Variants in TRIM27 observed in about 807,000 individuals in gnomAD.
The protein encoded by TRIM27 is tripartite motif containing 27.
A neutral mutation model predicts 57.6 loss-of-function variants in TRIM27; 12 were observed. The observed-to-expected ratio is 0.21, with a 90% CI of 0.13 to 0.34. The LOEUF (loss-of-function observed/expected upper bound fraction) is 0.34, where lower values mean the gene tolerates loss of function less well. Ranked by LOEUF, TRIM27 falls within the 10% of genes least tolerant of loss-of-function variation. The probability of loss-of-function intolerance (pLI) is 1.00; values close to 1 mark genes in which losing one functional copy is unlikely to be tolerated. For missense variants in TRIM27, 403 were observed against 656.8 expected, an observed-to-expected ratio of 0.61 and a Z score of 4.22; for synonymous variants, 266 against 259.0, an observed-to-expected ratio of 1.03 and a Z score of -0.26.
In TRIM27 at chr6:28,923,531, G is replaced by A; in HGVS notation, c.102C>T (p.Asn34=). 1 of 1,612,050 alleles carries A rather than the reference G, an allele frequency of 6.2e-7. No individual in the cohort carries two copies. Residue 34 remains asparagine, a synonymous_variant, in exon 1 of 8, where the codon AAC becomes AAT. Coordinates refer to ENST00000377199, the MANE Select transcript of TRIM27 (RefSeq NM_006510.5). ...AEPMMLDCGH[N]ICCACLARCW... ...AGCGGGCGAGGCACGCGCAACAGATGTTATGGCCGCAGTCGAGCATCATGG... is the reference window on the plus strand; with the variant it reads ...AGCGGGCGAGGCACGCGCAACAGATATTATGGCCGCAGTCGAGCATCATGG...
chr6:28,912,131 G>T (rs536781529), intron 3 of TRIM27, among the ~76,000 whole-genome samples: 2 of 145,144 alleles, frequency 1.4e-5, no homozygotes, highest in African/African-American at 5.1e-5. Context: ...TTTTTGAGAC[G>T]GAGTCTCGCT....
chr6:28,923,605 G>A lies in TRIM27; in HGVS notation c.28C>T (p.Leu10=). Residue 10 remains leucine (L), a synonymous_variant, in exon 1 of 8, where the codon CTG becomes TTG. Coordinates refer to ENST00000377199, the MANE Select transcript of TRIM27 (RefSeq NM_006510.5). ...ACGGGGCAGGTGGTCTCCTGCTGCA[G>A]GCACTCGGCCACACTCCCGGAGGCC... MASGSVAEC[L]QQETTCPVCL... 2 of 1,597,638 alleles carry A rather than the reference G, an allele frequency of 1.3e-6. No homozygotes were observed. Among genetic ancestry groups the A allele is most frequent in the Non-Finnish European group, 1.7e-6 (2 of 1,170,598 alleles).
chr6:28,922,073 A>G (rs572419251), intron 1 of TRIM27, 86 bp from the exon 2 acceptor site: 2 of 995,044 alleles, frequency 2.0e-6, no homozygotes, highest in East Asian at 4.8e-5. Context: ...TGGAGTCCAC[A>G]CACCTGATGC....
At chr6:28,908,514 C>T in intron 6 of TRIM27, 1 of 410,730 alleles carries the variant, frequency 2.4e-6, no homozygotes, top group Non-Finnish European at 4.3e-6. Flanking sequence ...AGTTTTTGTT[C>T]ATTCTTTCCG....
At chr6:28,911,591 A>G in intron 4 of TRIM27, 105 bp downstream of exon 4, 22 of 1,143,928 alleles carry the variant, frequency 1.9e-5, no homozygotes, top group Non-Finnish European at 2.8e-5. Flanking sequence ...TGTCAATTTG[A>G]TAAGATGTCC....
chr6:28,912,573 T>C (rs1167445511), intron 3 of TRIM27, among the ~76,000 whole-genome samples: 1 of 152,190 alleles, frequency 6.6e-6, no homozygotes, highest in African/African-American at 2.4e-5. Context: ...AACCACTCCG[T>C]ATCAGTTCAT....
In TRIM27 at chr6:28,903,745, C is replaced by T. The variant is rs1772560027; in HGVS notation, c.*325G>A. The T allele has an allele frequency of 8.8e-6, 3 of 341,530 alleles. No homozygotes were observed. Among genetic ancestry groups the T allele is most frequent in the Admixed American group, 4.3e-5 (1 of 23,290 alleles). 21.2% of individuals were successfully genotyped at this position (341,530 alleles called of 1,614,324 possible). On this transcript the variant is annotated 3_prime_UTR_variant, in exon 8 of 8. Transcript: ENST00000377199. ...GAGGAAGCCAGGCTGAGCCAAGAAGCTGGAAGTATCTTGAACGGCTCTCCA... is the reference window on the plus strand; with the variant it reads ...GAGGAAGCCAGGCTGAGCCAAGAAGTTGGAAGTATCTTGAACGGCTCTCCA...
intron 4 of TRIM27, among the ~76,000 whole-genome samples, chr6:28,910,978 A>G (rs1562158746): frequency 3.9e-5 from 6 of 152,110 alleles, no homozygotes. Context: ...GTCAAGCTGC[A>G]TTTTGCTTTA....
chr6:28,903,070 C>T lies in TRIM27; in HGVS notation c.*1000G>A, dbSNP rs41270604. 0.012 allele frequency: 2,689 copies of T among 228,654 alleles called. 20 individuals are homozygous for T. The highest frequency in any genetic ancestry group is 0.03 in the African/African-American group (1,331 of 45,116). 14.2% of individuals were successfully genotyped at this position (228,654 alleles called of 1,614,324 possible). On this transcript the variant is annotated 3_prime_UTR_variant, in exon 8 of 8. Coordinates refer to ENST00000377199, the MANE Select transcript of TRIM27 (RefSeq NM_006510.5). Reference sequence around the variant, plus strand: ...CCCACAGAGAAGCAGGACTGAGAACCATCATGGGGGCTTGCTTGAAGTGAT... The same window carrying T: ...CCCACAGAGAAGCAGGACTGAGAACTATCATGGGGGCTTGCTTGAAGTGAT...
chr6:28,910,739 A>T lies in TRIM27; in HGVS notation c.770+957T>A, dbSNP rs565502688. Reference sequence around the variant, plus strand: ...GTCACAAACTGCTAGGGTCTGAGGCAGCTAACTCTGTATGTTAGGTCACAG... The same window carrying T: ...GTCACAAACTGCTAGGGTCTGAGGCTGCTAACTCTGTATGTTAGGTCACAG... On this transcript the variant is annotated intron_variant, in intron 4 of 7. Coordinates refer to ENST00000377199, the MANE Select transcript of TRIM27 (RefSeq NM_006510.5). 1.8e-4 allele frequency among the ~76,000 whole-genome samples: 28 copies of T among 152,352 alleles called. No homozygotes were observed. In the South Asian group the frequency reaches 5.6e-3, roughly 30 times the overall value.
In TRIM27 at chr6:28,903,789, A is replaced by T. The variant is rs529716476; in HGVS notation, c.*281T>A. The T allele has an allele frequency of 2.2e-6, 1 of 447,114 alleles. No individual in the cohort carries two copies. Among genetic ancestry groups the T allele is most frequent in the South Asian group, 5.1e-5 (1 of 19,702 alleles). 27.7% of individuals were successfully genotyped at this position (447,114 alleles called of 1,614,324 possible). On this transcript the variant is annotated 3_prime_UTR_variant, in exon 8 of 8. Coordinates refer to ENST00000377199, the MANE Select transcript of TRIM27 (RefSeq NM_006510.5). The stretch of plus-strand genomic sequence containing the variant: ...CTCTCCAAATCCAAAGATTATCCAT[A>T]CTCTTTATCCCTCCAGCGATGTGTA...
chr6:28,920,635 C>T (rs990179019), intron 2 of TRIM27, among the ~76,000 whole-genome samples: 5 of 152,026 alleles, frequency 3.3e-5, no homozygotes, highest in Non-Finnish European at 5.9e-5. Context: ...CCTTTCCAGG[C>T]AGAAGAAATG....
At chr6:28,905,805 A>C (rs1042372836) in intron 7 of TRIM27, 2 of 152,248 alleles carry the variant, frequency 1.3e-5, no homozygotes, top group African/African-American at 4.8e-5. Context: ...AGTTTTTCTT[A>C]ATCTGCCCAG....
rs1774283476 is a variant in TRIM27 at position 28,923,958 on chromosome 6, G to A, written c.-326C>T. On this transcript the variant is annotated 5_prime_UTR_variant, in exon 1 of 8. Coordinates refer to ENST00000377199, the MANE Select transcript of TRIM27 (RefSeq NM_006510.5). ...GCAAAGCGCGCAAGACAACGTGGCC[G>A]CGTCCGAGCGGATGCCGGCGGCAGC... The A allele has an allele frequency of 5.6e-6, 2 of 357,730 alleles. No homozygotes were observed. The highest frequency in any genetic ancestry group is 1.0e-5 in the Non-Finnish European group (2 of 199,986). 22.2% of individuals were successfully genotyped at this position (357,730 alleles called of 1,614,324 possible). A position where few individuals can be genotyped will look rare whatever the true frequency, so the allele number is the denominator to read the frequency against.
chr6:28,908,151 T>C (rs1049475120), intron 6 of TRIM27: 1 of 158,522 alleles, frequency 6.3e-6, no homozygotes, highest in African/African-American at 2.4e-5. Flanking sequence ...CTTCTCCAAA[T>C]GCCTAGAACG....
chr6:28,907,400 A>G (rs1028526233), intron 6 of TRIM27, 138 bp from the exon 7 acceptor site: 5 of 810,356 alleles, frequency 6.2e-6, no homozygotes, highest in Admixed American at 2.0e-5. Flanking sequence ...GTCATGCACT[A>G]ATTTTTTCAT....
intron 3 of TRIM27, chr6:28,915,293 T>TAAAAAAAAA (rs9256952): frequency 8.9e-6 from 1 of 111,982 alleles, no homozygotes; most frequent in African/African-American, 3.4e-5. Context: ...AAAATATTCT[T>TAAAAAAAAA]AAAAAAAAAA....
At chr6:28,907,365 A>G (rs1581487647) in intron 6 of TRIM27, 103 bp from the exon 7 acceptor site, 1 of 1,092,740 alleles carries the variant, frequency 9.2e-7, no homozygotes, top group East Asian at 2.4e-5. Flanking sequence ...GGTCTCCACC[A>G]GAAACCCCAG....
chr6:28,907,692 T>C (rs1581488510), intron 6 of TRIM27: 2 of 438,816 alleles, frequency 4.6e-6, no homozygotes, highest in Non-Finnish European at 9.1e-6. Context: ...TGACCATTCA[T>C]TTATAAGGCA....
Sources: gnomAD v4.1 joint callset for allele counts (sites outside exome capture counted in the v4.1 genomes callset) on GRCh38, gnomAD v4.1.1 for gene constraint, MANE v1.5 for transcripts, NCBI Gene and HGNC (gene_info 2026-07-23, HGNC 2026-07-21) for gene names.